Variants in PHTF2 observed in about 807,000 individuals in gnomAD.
PHTF2 encodes protein PHTF2.
PHTF2 carries 60 observed loss-of-function variants against 101.2 expected under a neutral mutation model. That is an observed-to-expected ratio of 0.59 (90% CI 0.48 to 0.73). The LOEUF is 0.73. PHTF2 is among the 30% of genes least tolerant of loss of function. PHTF2 has a pLI of 0.00. For synonymous variants in PHTF2, 311 were observed against 307.3 expected (o/e 1.01, Z -0.13); for missense variants, 747 against 908.7 (o/e 0.82, Z 2.29).
chr7:77,886,118 G>A (rs886404250), intron 3 of PHTF2, among the ~76,000 whole-genome samples: 1 of 152,110 alleles, frequency 6.6e-6, no homozygotes, highest in Non-Finnish European at 1.5e-5. Flanking sequence ...TAAGCACTCA[G>A]TCTAATTAAA....
chr7:77,834,957 T>C (rs1370980225), intron 1 of PHTF2, among the ~76,000 whole-genome samples: 1 of 152,168 alleles, frequency 6.6e-6, no homozygotes. Flanking sequence ...AGAGAGACAT[T>C]AAGCTTCAGC....
rs370585057 is a variant in PHTF2, at chr7:77,806,439, A to G, written c.-36+7468A>G. On this transcript the variant is annotated intron_variant, in intron 1 of 19. Transcript: ENST00000416283. ...AATGGACCTCTTTAATCCTAGTAAT[A>G]TGTTTTGCTCTGAAATCTACTTTGT... Among the ~76,000 whole-genome samples, 22 of 152,278 alleles carry G rather than the reference A, an allele frequency of 1.4e-4. No individual in the cohort carries two copies. In the East Asian group the frequency reaches 2.9e-3, roughly 20 times the overall value.
rs781012202 is a variant in PHTF2, at chr7:77,949,746, G to A, written c.2028G>A (p.Ser676=). Residue 676 remains serine, a synonymous_variant, in exon 17 of 20, where the codon TCG becomes TCA. Transcript: ENST00000416283. ...GGGAATTGGTAATCTGGTGCATCTC[G>A]TTAACACTTTTTCTCCTAAGATTTG... is the stretch of plus-strand genomic sequence containing the variant. 2.9e-5 allele frequency: 45 copies of A among 1,556,532 alleles called. No individual in the cohort carries two copies. In the East Asian group the frequency reaches 6.8e-4, roughly 23 times the overall value.
chr7:77,951,985 C>T (rs979735446), intron 18 of PHTF2, among the ~76,000 whole-genome samples: 1 of 152,028 alleles, frequency 6.6e-6, no homozygotes, highest in African/African-American at 2.4e-5. Context: ...ATGCCTCCTA[C>T]ACCTTAAAAT....
chr7:77,867,662 G>A (rs1338816388), intron 3 of PHTF2, among the ~76,000 whole-genome samples: 1 of 152,162 alleles, frequency 6.6e-6, no homozygotes, highest in African/African-American at 2.4e-5. Context: ...TCTATCCAAG[G>A]TGGGGGAAAG....
chr7:77,918,945 T>C (rs1373268656), intron 9 of PHTF2, among the ~76,000 whole-genome samples: 1 of 152,206 alleles, frequency 6.6e-6, no homozygotes, highest in Non-Finnish European at 1.5e-5. Flanking sequence ...TTTAGGAACC[T>C]TGGAGAAGAA....
At position 77,922,530 on chromosome 7, in the gene PHTF2, A is replaced by G. The variant is rs1803570896; in HGVS notation, c.964-93A>G. 7.6e-6 allele frequency: 7 copies of G among 919,034 alleles called. No individual in the cohort carries two copies. The Admixed American group carries it at 1.4e-4, about 18-fold the overall frequency. 56.9% of individuals were successfully genotyped at this position (919,034 alleles called of 1,614,324 possible). On this transcript the variant is annotated intron_variant, in intron 10 of 19. Transcript: ENST00000416283. ...TTGAGGATATTTTGAAGTTGTGTGT[A>G]TATATGTATGTGTAATTTCAAATTT...
At chr7:77,896,090 G>C (rs1171340701) in intron 5 of PHTF2, 2 of 152,038 alleles carry the variant, frequency 1.3e-5, no homozygotes, top group Non-Finnish European at 2.9e-5. Context: ...ACTAGATAGT[G>C]GTAATGATTG....
At chr7:77,907,603 CA>C (rs1801988530) in intron 7 of PHTF2, among the ~76,000 whole-genome samples, 2 of 152,132 alleles carry the variant, frequency 1.3e-5, no homozygotes, top group African/African-American at 4.8e-5. Context: ...CTTTCACTCT[CA>C]AAAGTGTCTT....
intron 11 of PHTF2, among the ~76,000 whole-genome samples, chr7:77,928,073 A>G (rs1245507608): frequency 1.3e-5 from 2 of 152,192 alleles, no homozygotes; most frequent in South Asian, 2.1e-4. Flanking sequence ...AGGTGCTTAT[A>G]GCAATGAAGG....
At chr7:77,869,804 G>A (rs1464289571) in intron 3 of PHTF2, among the ~76,000 whole-genome samples, 6 of 152,070 alleles carry the variant, frequency 3.9e-5, no homozygotes, top group African/African-American at 1.4e-4. Flanking sequence ...GTATTTCCCC[G>A]ATGATTAGTG....
chr7:77,877,726 AC>A (rs2150738833), intron 3 of PHTF2, among the ~76,000 whole-genome samples: 1 of 152,340 alleles, frequency 6.6e-6, no homozygotes, highest in South Asian at 2.1e-4. Context: ...AACTGTGCCA[AC>A]ATCAGCCAGC....
At chr7:77,925,847 A>G (rs1421221964) in intron 11 of PHTF2, among the ~76,000 whole-genome samples, 3 of 151,868 alleles carry the variant, frequency 2.0e-5, no homozygotes, top group Non-Finnish European at 4.4e-5. Flanking sequence ...CACGAGGTCA[A>G]GAGATCAAGA....
At chr7:77,921,855 C>T (rs566401210) in intron 10 of PHTF2, among the ~76,000 whole-genome samples, 9 of 151,918 alleles carry the variant, frequency 5.9e-5, no homozygotes, top group Non-Finnish European at 8.8e-5. Flanking sequence ...GTCTGACGTG[C>T]GCACATGCAG....
intron 12 of PHTF2, among the ~76,000 whole-genome samples, chr7:77,935,096 A>T (rs117781784): frequency 0.012 from 1,745 of 150,026 alleles, 17 homozygotes; most frequent in Non-Finnish European, 0.017. Flanking sequence ...ACATGATTCA[A>T]CAAGACTGTT....
At chr7:77,947,286 GC>G (rs1806130828) in intron 16 of PHTF2, among the ~76,000 whole-genome samples, 1 of 152,220 alleles carries the variant, frequency 6.6e-6, no homozygotes, top group Non-Finnish European at 1.5e-5. Flanking sequence ...ATGAGGCTGA[GC>G]GCGGTGGCTC....
chr7:77,886,609 G>A (rs1799872004), intron 3 of PHTF2, among the ~76,000 whole-genome samples: 1 of 152,138 alleles, frequency 6.6e-6, no homozygotes, highest in Non-Finnish European at 1.5e-5. Flanking sequence ...CCTATTCAGT[G>A]ATAGTAACTT....
intron 16 of PHTF2, among the ~76,000 whole-genome samples, chr7:77,945,572 TC>T (rs1212635168): frequency 6.6e-6 from 1 of 152,062 alleles, no homozygotes; most frequent in Non-Finnish European, 1.5e-5. Context: ...AACAAAAAAA[TC>T]TTATATATTT....
intron 3 of PHTF2, among the ~76,000 whole-genome samples, chr7:77,874,046 C>T (rs1250263955): frequency 6.6e-6 from 1 of 152,208 alleles, no homozygotes; most frequent in Non-Finnish European, 1.5e-5. Flanking sequence ...GTCCACTGAA[C>T]TTAGGAGCAA....
Sources: gnomAD v4.1 joint callset for allele counts (sites outside exome capture counted in the v4.1 genomes callset) on GRCh38, gnomAD v4.1.1 for gene constraint, MANE v1.5 for transcripts, NCBI Gene and HGNC (gene_info 2026-07-23, HGNC 2026-07-21) for gene names.